The following QTMAN variants were observed in gnomAD, a reference collection of about 807,000 sequenced individuals.
QTMAN encodes queuosine-tRNA mannosyltransferase.
chr2:144,282,655 T>C, the QTMAN span, among the ~76,000 whole-genome samples: 1 of 151,966 alleles, frequency 6.6e-6, no homozygotes, highest in African/African-American at 2.4e-5. Context: ...TAATAGGAAA[T>C]ATGTGTATTG....
chr2:144,228,836 T>C, the QTMAN span, among the ~76,000 whole-genome samples: 1 of 152,126 alleles, frequency 6.6e-6, no homozygotes, highest in Non-Finnish European at 1.5e-5. Flanking sequence ...CATGTGCCTG[T>C]AATCCCAGCT....
chr2:144,204,616 C>G, the QTMAN span, among the ~76,000 whole-genome samples: 4 of 152,068 alleles, frequency 2.6e-5, no homozygotes, highest in African/African-American at 9.7e-5. Context: ...CTAGAAATAC[C>G]ATTTGACCCA....
At chr2:144,289,756 A>G in the QTMAN span, among the ~76,000 whole-genome samples, 1 of 152,258 alleles carries the variant, frequency 6.6e-6, no homozygotes, top group East Asian at 1.9e-4. Context: ...AAAGGCACAT[A>G]TTGGCAGAAT....
chr2:144,176,833 C>T, the QTMAN span, among the ~76,000 whole-genome samples: 2 of 152,132 alleles, frequency 1.3e-5, no homozygotes, highest in Non-Finnish European at 2.9e-5. Context: ...AGTCTGTTCT[C>T]ACATTGCTAT....
At chr2:144,184,012 C>T in the QTMAN span, among the ~76,000 whole-genome samples, 6 of 152,192 alleles carry the variant, frequency 3.9e-5, no homozygotes, top group Admixed American at 2.0e-4. Flanking sequence ...ACGCACGGCT[C>T]GTGGGCTGAC....
At chr2:144,306,255 A>C in the QTMAN span, among the ~76,000 whole-genome samples, 1 of 152,246 alleles carries the variant, frequency 6.6e-6, no homozygotes, top group Non-Finnish European at 1.5e-5. Context: ...GCATCTACTG[A>C]AACAATCATG....
At chr2:143,970,106 T>G in the QTMAN span, among the ~76,000 whole-genome samples, 1 of 152,164 alleles carries the variant, frequency 6.6e-6, no homozygotes, top group Non-Finnish European at 1.5e-5. Flanking sequence ...TTGAAAAGGC[T>G]CCGTGTGGCA....
the QTMAN span, chr2:143,938,130 A>AG: frequency 6.6e-6 from 1 of 152,242 alleles, no homozygotes; most frequent in Admixed American, 6.5e-5. Context: ...TAGAAATACA[A>AG]GGGGAAAAGC....
At chr2:143,997,418 T>C in the QTMAN span, among the ~76,000 whole-genome samples, 1 of 152,170 alleles carries the variant, frequency 6.6e-6, no homozygotes, top group East Asian at 1.9e-4. Flanking sequence ...AAAGTTTCAG[T>C]TTCTGAAGGT....
the QTMAN span, chr2:144,211,449 G>A: frequency 5.9e-5 from 9 of 152,524 alleles, no homozygotes; most frequent in Non-Finnish European, 1.0e-4. Context: ...TAGTGGCTTT[G>A]ATTCACGGAA....
chr2:144,321,673 G>C, the QTMAN span, among the ~76,000 whole-genome samples: 1 of 152,080 alleles, frequency 6.6e-6, no homozygotes, highest in Non-Finnish European at 1.5e-5. Context: ...CACAATCATA[G>C]CTCACTGCAG....
the QTMAN span, among the ~76,000 whole-genome samples, chr2:144,152,850 A>C: frequency 1.3e-5 from 2 of 152,244 alleles, no homozygotes; most frequent in Non-Finnish European, 2.9e-5. Context: ...ACATTAAATA[A>C]CAATAAAAAA....
the QTMAN span, among the ~76,000 whole-genome samples, chr2:144,065,121 G>A: frequency 1.3e-5 from 2 of 152,166 alleles, no homozygotes; most frequent in African/African-American, 2.4e-5. Flanking sequence ...TTTTAGAAAA[G>A]CAAAACTGCT....
the QTMAN span, among the ~76,000 whole-genome samples, chr2:144,070,242 C>T: frequency 6.6e-6 from 1 of 152,100 alleles, no homozygotes; most frequent in African/African-American, 2.4e-5. Flanking sequence ...TTGCACTCTA[C>T]ATATTCTTAC....
chr2:144,125,848 G>C, the QTMAN span, among the ~76,000 whole-genome samples: 1 of 152,040 alleles, frequency 6.6e-6, no homozygotes, highest in Admixed American at 6.6e-5. Flanking sequence ...GAAAGGAATA[G>C]TAGGAAGAAC....
chr2:144,304,898 G>A, the QTMAN span, among the ~76,000 whole-genome samples: 1 of 152,132 alleles, frequency 6.6e-6, no homozygotes, highest in Non-Finnish European at 1.5e-5. Flanking sequence ...CTATGCATAT[G>A]CCTACTGTCT....
At chr2:144,051,188 C>T in the QTMAN span, among the ~76,000 whole-genome samples, 19 of 151,778 alleles carry the variant, frequency 1.3e-4, 1 homozygote, top group South Asian at 6.2e-4. Flanking sequence ...TACTTACATA[C>T]GGTTTATATA....
At chr2:144,110,982 C>T in the QTMAN span, among the ~76,000 whole-genome samples, 1 of 152,076 alleles carries the variant, frequency 6.6e-6, no homozygotes, top group South Asian at 2.1e-4. Flanking sequence ...TAAGAAAATT[C>T]CCTAAAATTC....
At chr2:144,310,822 T>A in the QTMAN span, among the ~76,000 whole-genome samples, 1 of 152,326 alleles carries the variant, frequency 6.6e-6, no homozygotes, top group African/African-American at 2.4e-5. Flanking sequence ...TTTTAAGTAT[T>A]TGAAGATTTA....
Sources: allele counts gnomAD v4.1 joint callset (sites outside exome capture counted in the v4.1 genomes callset), GRCh38; gene constraint gnomAD v4.1.1; transcripts MANE v1.5; gene names NCBI Gene and HGNC (gene_info 2026-07-23, HGNC 2026-07-21).